RTTN: variants seen among roughly 807,000 people sequenced by gnomAD.
The protein encoded by RTTN is rotatin.
In RTTN, 182 loss-of-function variants were observed where a neutral mutation model predicts 269.2. The ratio of observed to expected loss-of-function variants is 0.68; its 90% CI spans 0.60 to 0.76. The LOEUF (loss-of-function observed/expected upper bound fraction) is 0.76. Ranked by LOEUF, RTTN falls within the 30% of genes least tolerant of loss-of-function variation. The pLI is 0.00. For synonymous variants in RTTN, 1,006 were observed against 963.5 expected, an observed-to-expected ratio of 1.04 and a Z score of -0.82; for missense variants, 2,545 against 2,608.6, an observed-to-expected ratio of 0.98 and a Z score of 0.53.
intron 28 of RTTN, among the ~76,000 whole-genome samples, chr18:70,099,128 A>C (rs1287529391): frequency 6.6e-5 from 10 of 152,310 alleles, no homozygotes; most frequent in Admixed American, 2.6e-4. Flanking sequence ...ATGGCTGGGT[A>C]AAATGGTATT....
At chr18:70,078,700 C>T (rs2058488605) in intron 32 of RTTN, among the ~76,000 whole-genome samples, 1 of 152,028 alleles carries the variant, frequency 6.6e-6, no homozygotes, top group East Asian at 1.9e-4. Flanking sequence ...CACTAAGTGT[C>T]TCTGTAGTGA....
chr18:70,117,969 G>A (rs973123757), intron 26 of RTTN, among the ~76,000 whole-genome samples: 1 of 151,768 alleles, frequency 6.6e-6, no homozygotes, highest in African/African-American at 2.4e-5. Flanking sequence ...CAAAACTTAT[G>A]GGATACAGCA....
At chr18:70,055,556 G>T (rs2057794438) in intron 37 of RTTN, among the ~76,000 whole-genome samples, 1 of 152,030 alleles carries the variant, frequency 6.6e-6, no homozygotes, top group Admixed American at 6.6e-5. Flanking sequence ...AAACTCTTCA[G>T]TTTGTGAAAT....
At chr18:70,120,558 CTTTTCTAG>C (rs1440239143) in intron 26 of RTTN, among the ~76,000 whole-genome samples, 1 of 152,070 alleles carries the variant, frequency 6.6e-6, no homozygotes, top group Non-Finnish European at 1.5e-5. Flanking sequence ...TTTAGGCCCT[CTTTTCTAG>C]TTTTGTTTTG....
At chr18:70,185,028 A>G (rs1431744850) in intron 10 of RTTN, among the ~76,000 whole-genome samples, 1 of 152,126 alleles carries the variant, frequency 6.6e-6, no homozygotes, top group Non-Finnish European at 1.5e-5. Context: ...TATTGGCATC[A>G]TAAGAGAAAA....
At chr18:70,127,834 T>C (rs2145615033) in intron 24 of RTTN, 93 bp from the exon 25 acceptor site, 2 of 1,139,370 alleles carry the variant, frequency 1.8e-6, no homozygotes, top group Non-Finnish European at 2.4e-6. Context: ...CAAAAGCTGT[T>C]TTATCTTCAT....
chr18:70,126,779 A>G (rs1166810006), intron 25 of RTTN, among the ~76,000 whole-genome samples: 1 of 152,164 alleles, frequency 6.6e-6, no homozygotes, highest in Non-Finnish European at 1.5e-5. Context: ...CCAGCACACC[A>G]CTGGAAAGCC....
chr18:70,011,397 A>C (rs2056367950), intron 46 of RTTN, among the ~76,000 whole-genome samples: 1 of 152,238 alleles, frequency 6.6e-6, no homozygotes, highest in African/African-American at 2.4e-5. Flanking sequence ...CACCAAGATC[A>C]AGTCCGTTTC....
intron 40 of RTTN, among the ~76,000 whole-genome samples, chr18:70,032,951 C>G (rs2057060409): frequency 6.6e-6 from 1 of 152,110 alleles, no homozygotes; most frequent in Admixed American, 6.5e-5. Context: ...TCCGCAAATT[C>G]AAAAAAATCA....
At chr18:70,117,856 A>G (rs1190587624) in intron 26 of RTTN, among the ~76,000 whole-genome samples, 1 of 151,998 alleles carries the variant, frequency 6.6e-6, no homozygotes, top group African/African-American at 2.4e-5. Flanking sequence ...CATATACATA[A>G]AAATTAAGCA....
chr18:70,135,188 T>C lies in RTTN; in HGVS notation c.2881A>G (p.Met961Val), dbSNP rs371633774. 6.1e-5 allele frequency: 91 copies of C among 1,502,472 alleles called. No homozygotes were observed. Among genetic ancestry groups the C allele is most frequent in the Non-Finnish European group, 7.7e-5 (86 of 1,115,086 alleles). 93.1% of individuals were successfully genotyped at this position (1,502,472 alleles called of 1,614,324 possible). The change falls in exon 22 of 49, where the codon ATG becomes GTG. Residue 961 changes from methionine to valine, a missense_variant. Physicochemically the swap from Met to Val is conservative, Grantham distance 21 (BLOSUM62 1). Coordinates refer to ENST00000640769, the MANE Select transcript of RTTN (RefSeq NM_173630.4). ...LLFDEVSRMD[M>V]WSVNPSNKPS... ...TTATAAATTCTTATATCTCACCACA[T>C]ATCCATTCTCGATACTTCATCAAAT... is the stretch of plus-strand genomic sequence containing the variant.
intron 37 of RTTN, among the ~76,000 whole-genome samples, chr18:70,056,839 T>C (rs2057830777): frequency 6.6e-6 from 1 of 152,244 alleles, no homozygotes; most frequent in Non-Finnish European, 1.5e-5. Context: ...TTCTGAGATG[T>C]CTATCATCTT....
intron 30 of RTTN, among the ~76,000 whole-genome samples, chr18:70,090,302 C>T (rs560074261): frequency 6.6e-6 from 1 of 152,270 alleles, no homozygotes; most frequent in Non-Finnish European, 1.5e-5. Flanking sequence ...TATGTTTTCT[C>T]CTACACATAC....
chr18:70,175,715 G>C (rs1010791399), intron 11 of RTTN, among the ~76,000 whole-genome samples: 19 of 151,006 alleles, frequency 1.3e-4, no homozygotes, highest in African/African-American at 4.6e-4. Flanking sequence ...ACAAGAAATA[G>C]GACAGTCCTC....
chr18:70,193,217 C>T, intron 8 of RTTN, 71 bp downstream of exon 8: 1 of 1,283,926 alleles, frequency 7.8e-7, no homozygotes, highest in Non-Finnish European at 1.1e-6. Flanking sequence ...ATAATTATCT[C>T]CTTCTGAAAT....
intron 10 of RTTN, among the ~76,000 whole-genome samples, chr18:70,184,055 C>G (rs909048799): frequency 6.6e-6 from 1 of 152,118 alleles, no homozygotes; most frequent in Non-Finnish European, 1.5e-5. Flanking sequence ...TCCCAAAGTG[C>G]TTCTAAAAGG....
At chr18:70,134,227 C>T (rs181860060) in intron 23 of RTTN, among the ~76,000 whole-genome samples, 128 of 152,052 alleles carry the variant, frequency 8.4e-4, no homozygotes, top group Non-Finnish European at 1.3e-3. Context: ...CTAGGCTGAA[C>T]GACATACAAG....
At chr18:70,201,607 CAAAAAAAAAAAAAAAAA>C (rs34966295) in intron 4 of RTTN, among the ~76,000 whole-genome samples, 1 of 41,006 alleles carries the variant, frequency 2.4e-5, no homozygotes, top group African/African-American at 1.3e-4. Context: ...GACTCCATCT[CAAAAAAAAAAAAAAAAA>C]AAAAAAAAAA....
At chr18:70,183,655 G>A (rs1407894933) in intron 10 of RTTN, among the ~76,000 whole-genome samples, 1 of 152,056 alleles carries the variant, frequency 6.6e-6, no homozygotes, top group Non-Finnish European at 1.5e-5. Flanking sequence ...AGCTGTTCTG[G>A]CTTCTATCTA....
Sources: gnomAD v4.1 joint callset for allele counts (sites outside exome capture counted in the v4.1 genomes callset) on GRCh38, gnomAD v4.1.1 for gene constraint, MANE v1.5 for transcripts, NCBI Gene and HGNC (gene_info 2026-07-23, HGNC 2026-07-21) for gene names.